TYW1: variants seen among roughly 807,000 people sequenced by gnomAD.
TYW1 encodes S-adenosyl-L-methionine-dependent tRNA 4-demethylwyosine synthase TYW1.
TYW1 carries 46 observed loss-of-function variants against 96.2 expected under a neutral mutation model. The observed-to-expected ratio is 0.48, with a 90% CI of 0.38 to 0.61. The LOEUF (loss-of-function observed/expected upper bound fraction) is 0.61, where lower values mean the gene tolerates loss of function less well. TYW1 is among the 20% of genes least tolerant of loss of function. The pLI is 0.00. For missense variants in TYW1, 684 were observed against 909.6 expected (o/e 0.75, Z 3.19); for synonymous variants, 274 against 323.0 (o/e 0.85, Z 1.63).
intron 13 of TYW1, among the ~76,000 whole-genome samples, chr7:67,174,513 G>C (rs1280955089): frequency 6.7e-6 from 1 of 148,228 alleles, no homozygotes; most frequent in Non-Finnish European, 1.5e-5. Context: ...TTTTGAAGAA[G>C]ACAAAATGCC....
At chr7:67,189,112 A>G in intron 14 of TYW1, among the ~76,000 whole-genome samples, 1 of 152,180 alleles carries the variant, frequency 6.6e-6, no homozygotes, top group Non-Finnish European at 1.5e-5. Context: ...TCCTTTTTCT[A>G]TCTACCCTGT....
intron 13 of TYW1, among the ~76,000 whole-genome samples, chr7:67,158,840 G>T (rs550283628): frequency 6.6e-6 from 1 of 152,124 alleles, no homozygotes; most frequent in Admixed American, 6.5e-5. Context: ...CAAAGTGCTG[G>T]GATTACAGGC....
At chr7:67,002,469 A>G (rs951431841) in intron 3 of TYW1, among the ~76,000 whole-genome samples, 4 of 152,208 alleles carry the variant, frequency 2.6e-5, no homozygotes, top group African/African-American at 7.2e-5. Flanking sequence ...TTTGCCTCAG[A>G]AGGCGTAGCT....
chr7:67,158,082 A>ATTTTTTTTTTT (rs560215948), intron 13 of TYW1, among the ~76,000 whole-genome samples: 2 of 102,166 alleles, frequency 2.0e-5, no homozygotes, highest in Non-Finnish European at 1.9e-5. Context: ...TTTGCTGAGG[A>ATTTTTTTTTTT]TTTTTTTTTT....
intron 7 of TYW1, 28 bp from the exon 8 acceptor site, chr7:67,049,921 G>T (rs749035615): frequency 1.2e-5 from 20 of 1,612,938 alleles, no homozygotes; most frequent in Admixed American, 1.7e-5. Context: ...ACCAATTCTG[G>T]ATTTCATTCT....
chr7:67,113,787 G>A (rs768057186), intron 12 of TYW1, among the ~76,000 whole-genome samples: 16 of 151,776 alleles, frequency 1.1e-4, no homozygotes, highest in African/African-American at 2.4e-4. Context: ...ACAGGCGTGC[G>A]CCACCATGCC....
chr7:67,014,087 A>G (rs1169933534), intron 4 of TYW1, among the ~76,000 whole-genome samples: 2 of 151,980 alleles, frequency 1.3e-5, no homozygotes, highest in African/African-American at 4.8e-5. Context: ...CACTGTGGCA[A>G]ATTAGCGATG....
chr7:67,123,514 T>G (rs907085485), intron 13 of TYW1, among the ~76,000 whole-genome samples: 1 of 152,200 alleles, frequency 6.6e-6, no homozygotes, highest in Non-Finnish European at 1.5e-5. Flanking sequence ...CTTAGGTTCG[T>G]GTTGAGGCAT....
chr7:67,057,580 A>T (rs558356379), intron 9 of TYW1, among the ~76,000 whole-genome samples: 1 of 152,118 alleles, frequency 6.6e-6, no homozygotes, highest in South Asian at 2.1e-4. Context: ...TATGTTGGCC[A>T]GGCTGGTCTC....
At chr7:67,134,307 C>G (rs564362952) in intron 13 of TYW1, among the ~76,000 whole-genome samples, 1 of 152,156 alleles carries the variant, frequency 6.6e-6, no homozygotes, top group East Asian at 1.9e-4. Context: ...CTTTTGGAGA[C>G]TGAGGTGGGT....
At chr7:67,179,862 TATA>T (rs1341141770) in intron 13 of TYW1, among the ~76,000 whole-genome samples, 2 of 75,132 alleles carry the variant, frequency 2.7e-5, no homozygotes, top group East Asian at 2.3e-4. Flanking sequence ...TATATATATA[TATA>T]TTTTTTTTTT....
At chr7:67,102,737 C>T (rs545323632) in intron 12 of TYW1, among the ~76,000 whole-genome samples, 2 of 152,156 alleles carry the variant, frequency 1.3e-5, no homozygotes, top group East Asian at 1.9e-4. Flanking sequence ...CTACAAGCTC[C>T]GCCTCCAGGG....
intron 10 of TYW1, among the ~76,000 whole-genome samples, chr7:67,073,162 T>G (rs1796087550): frequency 6.6e-6 from 1 of 152,076 alleles, no homozygotes; most frequent in African/African-American, 2.4e-5. Flanking sequence ...CAAGTATCTC[T>G]TAGGTCATCC....
At chr7:67,109,297 A>G (rs1481239978) in intron 12 of TYW1, among the ~76,000 whole-genome samples, 1 of 145,740 alleles carries the variant, frequency 6.9e-6, no homozygotes, top group East Asian at 1.9e-4. Context: ...AAAAAAAAAG[A>G]AAGAAAATAT....
chr7:67,230,422 C>T lies in TYW1; in HGVS notation c.1978-7886C>T, dbSNP rs1368321741. ...TATTTTTAGTTTTGTCAAAATTCTA[C>T]ATGGACAGTTAAAAAGTCCAAGTTT... On this transcript the variant is annotated intron_variant, in intron 15 of 15. Transcript: ENST00000359626. Among the ~76,000 whole-genome samples the T allele has an allele frequency of 1.1e-4, 16 of 150,138 alleles. No homozygotes were observed. The Admixed American group carries it at 1.1e-3, about 10-fold the overall frequency.
Position 67,022,510 on chromosome 7 carries a change from G to A in TYW1, c.862-2390G>A, listed in dbSNP as rs533025744. 3.9e-5 allele frequency among the ~76,000 whole-genome samples: 6 copies of A among 152,296 alleles called. No individual in the cohort carries two copies. In the South Asian group the frequency reaches 1.0e-3, roughly 26 times the overall value. On this transcript the variant is annotated intron_variant, in intron 6 of 15. Coordinates refer to ENST00000359626, the MANE Select transcript of TYW1 (RefSeq NM_018264.4). ...GGAGCATAGGGCACATGGGCAATACGGAACTTCTTGCAATTCTAGGAAAAT... is the reference window on the plus strand; with the variant it reads ...GGAGCATAGGGCACATGGGCAATACAGAACTTCTTGCAATTCTAGGAAAAT...
At chr7:67,107,729 CTT>C (rs1219207168) in intron 12 of TYW1, among the ~76,000 whole-genome samples, 2 of 143,092 alleles carry the variant, frequency 1.4e-5, no homozygotes. Context: ...ATAAGATTGA[CTT>C]TTTTTTTTTT....
At chr7:67,133,600 G>T (rs1354188760) in intron 13 of TYW1, among the ~76,000 whole-genome samples, 1 of 138,784 alleles carries the variant, frequency 7.2e-6, no homozygotes, top group Admixed American at 7.2e-5. Flanking sequence ...TGGCGGCTGA[G>T]CGAGTTTCCA....
intron 13 of TYW1, among the ~76,000 whole-genome samples, chr7:67,140,444 C>T (rs1308081282): frequency 6.6e-6 from 1 of 151,518 alleles, no homozygotes; most frequent in East Asian, 1.9e-4. Context: ...AAAGTTGGTA[C>T]ACTTTTAAAA....
Sources: allele counts gnomAD v4.1 joint callset (sites outside exome capture counted in the v4.1 genomes callset), GRCh38; gene constraint gnomAD v4.1.1; transcripts MANE v1.5; gene names NCBI Gene and HGNC (gene_info 2026-07-23, HGNC 2026-07-21).